CNBD1: variants seen among roughly 807,000 people sequenced by gnomAD.
The protein encoded by CNBD1 is cyclic nucleotide binding domain containing 1.
In CNBD1, 71 loss-of-function variants were observed where a neutral mutation model predicts 54.4. That is an observed-to-expected ratio of 1.30 (90% CI 1.08 to 1.59). CNBD1 has a LOEUF of 1.59. Ranked by LOEUF, CNBD1 falls within the 40% of genes most tolerant of loss-of-function variation. The pLI is 0.00. For synonymous variants in CNBD1, 182 were observed against 170.7 expected, an observed-to-expected ratio of 1.07 and a Z score of -0.51; for missense variants, 659 against 518.0, an observed-to-expected ratio of 1.27 and a Z score of -2.64.
intron 2 of CNBD1, among the ~76,000 whole-genome samples, chr8:87,425,873 T>C (rs1310093714): frequency 6.6e-6 from 1 of 152,134 alleles, no homozygotes; most frequent in African/African-American, 2.4e-5. Context: ...AGCTGCTTTG[T>C]TTACCTAATC....
At chr8:87,318,252 G>C (rs1320078689) in intron 8 of CNBD1, among the ~76,000 whole-genome samples, 1 of 151,588 alleles carries the variant, frequency 6.6e-6, no homozygotes, top group African/African-American at 2.4e-5. Flanking sequence ...TGCATGCTTT[G>C]TAATTTTGCA....
intron 4 of CNBD1, among the ~76,000 whole-genome samples, chr8:86,958,811 GC>G (rs1246436298): frequency 6.6e-6 from 1 of 152,086 alleles, no homozygotes; most frequent in African/African-American, 2.4e-5. Flanking sequence ...TTTATTTGGA[GC>G]ATTTAGCCCA....
chr8:87,397,697 A>G (rs1191346319), intron 2 of CNBD1, among the ~76,000 whole-genome samples: 2 of 151,936 alleles, frequency 1.3e-5, no homozygotes, highest in Non-Finnish European at 2.9e-5. Context: ...GTTATCACAA[A>G]CTGATGATTA....
chr8:87,001,348 T>C (rs1808988632), intron 4 of CNBD1, among the ~76,000 whole-genome samples: 1 of 152,134 alleles, frequency 6.6e-6, no homozygotes, highest in African/African-American at 2.4e-5. Flanking sequence ...TATATTTTCT[T>C]CCTGGTTGAA....
chr8:87,058,581 C>T (rs138550871), intron 4 of CNBD1, among the ~76,000 whole-genome samples: 1 of 152,332 alleles, frequency 6.6e-6, no homozygotes, highest in African/African-American at 2.4e-5. Flanking sequence ...GTCTTCTGCA[C>T]AACTGCAGGA....
At chr8:87,256,318 G>T in intron 6 of CNBD1, among the ~76,000 whole-genome samples, 1 of 151,380 alleles carries the variant, frequency 6.6e-6, no homozygotes, top group East Asian at 2.0e-4. Flanking sequence ...CACTGTGCCT[G>T]GCCCAAAAAT....
intron 2 of CNBD1, among the ~76,000 whole-genome samples, chr8:86,893,433 C>T (rs979411362): frequency 2.0e-5 from 3 of 152,098 alleles, no homozygotes; most frequent in Non-Finnish European, 4.4e-5. Flanking sequence ...TGTCAATAAT[C>T]CTCCTTCTCC....
At chr8:87,350,207 A>G (rs1338742030) in intron 8 of CNBD1, among the ~76,000 whole-genome samples, 1 of 152,156 alleles carries the variant, frequency 6.6e-6, no homozygotes, top group Non-Finnish European at 1.5e-5. Flanking sequence ...TTCTACGCAT[A>G]CGTTATACTT....
At chr8:86,989,132 C>G (rs1430173053) in intron 4 of CNBD1, among the ~76,000 whole-genome samples, 3 of 151,940 alleles carry the variant, frequency 2.0e-5, no homozygotes, top group African/African-American at 7.2e-5. Flanking sequence ...ATCAGCCAGG[C>G]ATGGTGACGT....
chr8:87,274,278 A>G (rs942686965), intron 6 of CNBD1, among the ~76,000 whole-genome samples: 7 of 150,150 alleles, frequency 4.7e-5, no homozygotes, highest in Non-Finnish European at 1.0e-4. Context: ...TCCTTTGGGT[A>G]TATACCCAGT....
intron 2 of CNBD1, among the ~76,000 whole-genome samples, chr8:87,425,021 T>C (rs995202439): frequency 1.3e-5 from 2 of 152,128 alleles, no homozygotes; most frequent in African/African-American, 4.8e-5. Context: ...TCCTCATTTC[T>C]TTTTATTCTT....
intron 2 of CNBD1, among the ~76,000 whole-genome samples, chr8:87,397,297 A>G (rs1811427028): frequency 6.6e-6 from 1 of 151,906 alleles, no homozygotes; most frequent in Non-Finnish European, 1.5e-5. Flanking sequence ...TGTTTGTATC[A>G]CTTGTTCAGA....
intron 4 of CNBD1, among the ~76,000 whole-genome samples, chr8:87,153,430 C>A (rs1486901170): frequency 6.6e-6 from 1 of 152,032 alleles, no homozygotes; most frequent in African/African-American, 2.4e-5. Context: ...TAGAGAAAGA[C>A]AACAGCATAA....
chr8:86,961,297 T>A (rs1807922211), intron 4 of CNBD1, among the ~76,000 whole-genome samples: 1 of 152,302 alleles, frequency 6.6e-6, no homozygotes, highest in African/African-American at 2.4e-5. Flanking sequence ...GTAAATTGGT[T>A]TCTATGACAG....
At chr8:87,159,071 A>G (rs573233465) in intron 4 of CNBD1, among the ~76,000 whole-genome samples, 9 of 152,248 alleles carry the variant, frequency 5.9e-5, no homozygotes, top group Non-Finnish European at 1.0e-4. Context: ...GAGCTGCCAA[A>G]CATTTAGTTT....
intron 5 of CNBD1, among the ~76,000 whole-genome samples, chr8:87,214,628 A>T (rs1049385148): frequency 6.6e-6 from 1 of 152,232 alleles, no homozygotes; most frequent in Non-Finnish European, 1.5e-5. Flanking sequence ...TAATAAAGAC[A>T]TGTCTGAGAC....
chr8:87,246,514 C>A (rs1034548494), intron 6 of CNBD1, among the ~76,000 whole-genome samples: 1 of 152,082 alleles, frequency 6.6e-6, no homozygotes, highest in African/African-American at 2.4e-5. Flanking sequence ...TTTATGTTAT[C>A]TAAATTACTG....
At chr8:87,155,631 G>A (rs1812698400) in intron 4 of CNBD1, among the ~76,000 whole-genome samples, 1 of 152,160 alleles carries the variant, frequency 6.6e-6, no homozygotes, top group South Asian at 2.1e-4. Flanking sequence ...TAATTTTGGT[G>A]GAAATGAAAA....
At chr8:87,390,613 A>G (rs1811288274) in intron 2 of CNBD1, among the ~76,000 whole-genome samples, 1 of 152,196 alleles carries the variant, frequency 6.6e-6, no homozygotes, top group Non-Finnish European at 1.5e-5. Context: ...GAGGATGTGG[A>G]GAAATAGGAA....
Sources: allele counts gnomAD v4.1 joint callset (sites outside exome capture counted in the v4.1 genomes callset), GRCh38; gene constraint gnomAD v4.1.1; transcripts MANE v1.5; gene names NCBI Gene and HGNC (gene_info 2026-07-23, HGNC 2026-07-21).